Variants in CCNY observed in about 807,000 individuals in gnomAD.
CCNY encodes cyclin-Y.
Under a neutral mutation model 42.8 loss-of-function variants are expected in CCNY, and 19 were observed. The ratio of observed to expected loss-of-function variants is 0.44; its 90% CI spans 0.31 to 0.65. CCNY has a LOEUF of 0.65. Among genes scored for constraint, CCNY ranks in the 30% least tolerant of loss-of-function variants. The pLI is 0.07. For synonymous variants in CCNY, 165 were observed against 162.7 expected (o/e 1.01, Z -0.11); for missense variants, 370 against 437.3 (o/e 0.85, Z 1.37).
At chr10:35,384,988 G>A (rs1298135008) in intron 1 of CCNY, among the ~76,000 whole-genome samples, 1 of 152,168 alleles carries the variant, frequency 6.6e-6, no homozygotes, top group Non-Finnish European at 1.5e-5. Context: ...TCAGCTAAAG[G>A]CAGTCATCTC....
intron 5 of CCNY, among the ~76,000 whole-genome samples, chr10:35,527,999 A>G (rs1375890558): frequency 6.6e-6 from 1 of 152,166 alleles, no homozygotes; most frequent in Non-Finnish European, 1.5e-5. Flanking sequence ...ATTCTCATTT[A>G]TATTTTTAGA....
chr10:35,446,541 A>G (rs1386424230), intron 1 of CCNY, among the ~76,000 whole-genome samples: 1 of 152,210 alleles, frequency 6.6e-6, no homozygotes, highest in East Asian at 1.9e-4. Context: ...GGTAGTGTAG[A>G]TTTGCCAGGG....
intron 1 of CCNY, among the ~76,000 whole-genome samples, chr10:35,401,606 G>A (rs1837646361): frequency 7.2e-6 from 1 of 138,450 alleles, no homozygotes; most frequent in African/African-American, 2.7e-5. Context: ...AGTAGTAATT[G>A]TCTCATGTGT....
At chr10:35,400,171 T>C (rs2135227406) in intron 1 of CCNY, among the ~76,000 whole-genome samples, 1 of 152,220 alleles carries the variant, frequency 6.6e-6, no homozygotes, top group Non-Finnish European at 1.5e-5. Context: ...ATGTAGGCAG[T>C]TTTATAGAAG....
intron 8 of CCNY, among the ~76,000 whole-genome samples, chr10:35,557,152 T>G (rs1841377624): frequency 6.6e-6 from 1 of 152,200 alleles, no homozygotes; most frequent in African/African-American, 2.4e-5. Context: ...AGGATGTTAT[T>G]TGCAATATAT....
intron 1 of CCNY, among the ~76,000 whole-genome samples, chr10:35,373,675 T>G (rs1836987665): frequency 6.6e-6 from 1 of 152,202 alleles, no homozygotes; most frequent in Admixed American, 6.5e-5. Context: ...ACTTAATGAA[T>G]AGTAAATCTA....
chr10:35,558,949 G>C (rs757670383), intron 8 of CCNY, among the ~76,000 whole-genome samples: 1 of 152,216 alleles, frequency 6.6e-6, no homozygotes, highest in Non-Finnish European at 1.5e-5. Context: ...CTAAAAATGT[G>C]GAAGTGGCTT....
At chr10:35,528,307 T>C (rs911595873) in intron 5 of CCNY, among the ~76,000 whole-genome samples, 1 of 152,240 alleles carries the variant, frequency 6.6e-6, no homozygotes, top group African/African-American at 2.4e-5. Flanking sequence ...GACTACCTGC[T>C]GGGTTGAACC....
chr10:35,321,322 T>A (rs1318643803), intron 3 of CCNY, among the ~76,000 whole-genome samples: 1 of 152,070 alleles, frequency 6.6e-6, no homozygotes, highest in East Asian at 1.9e-4. Context: ...CAAGACTAAA[T>A]ATGATGATGA....
At chr10:35,479,399 A>G (rs1184261037) in intron 1 of CCNY, among the ~76,000 whole-genome samples, 1 of 142,330 alleles carries the variant, frequency 7.0e-6, no homozygotes, top group Non-Finnish European at 1.5e-5. Context: ...AATGTGGCAC[A>G]TATACACCAT....
At chr10:35,284,395 G>T (rs1033503437) in intron 3 of CCNY, among the ~76,000 whole-genome samples, 1 of 152,054 alleles carries the variant, frequency 6.6e-6, no homozygotes, top group Non-Finnish European at 1.5e-5. Flanking sequence ...TCCTCCTGCC[G>T]TGCCTGAAGT....
chr10:35,389,333 C>T (rs1272042740), intron 1 of CCNY, among the ~76,000 whole-genome samples: 1 of 152,176 alleles, frequency 6.6e-6, no homozygotes, highest in Non-Finnish European at 1.5e-5. Flanking sequence ...ATTACCACAG[C>T]CCCTGGTGTA....
intron 3 of CCNY, among the ~76,000 whole-genome samples, chr10:35,262,823 C>T (rs564490187): frequency 1.3e-5 from 2 of 151,620 alleles, no homozygotes; most frequent in Non-Finnish European, 2.9e-5. Context: ...AGTCTTTTCT[C>T]GGAAGAGTTT....
chr10:35,303,438 C>A (rs915830008), intron 3 of CCNY, among the ~76,000 whole-genome samples: 1 of 151,286 alleles, frequency 6.6e-6, no homozygotes, highest in African/African-American at 2.4e-5. Flanking sequence ...CCTCAGCCTC[C>A]CAGAGTGCTA....
At chr10:35,413,931 G>A (rs1056169656) in intron 1 of CCNY, among the ~76,000 whole-genome samples, 2 of 152,226 alleles carry the variant, frequency 1.3e-5, no homozygotes, top group East Asian at 3.8e-4. Context: ...ACTTCACAAA[G>A]GGAGGAGAAG....
chr10:35,248,401 T>C (rs1377359772), intron 2 of CCNY, among the ~76,000 whole-genome samples: 3 of 151,798 alleles, frequency 2.0e-5, no homozygotes, highest in East Asian at 1.9e-4. Context: ...CCCAGCACTT[T>C]GGGAGGCCGA....
rs189605237 is a variant in CCNY at position 35,388,719 on chromosome 10, C to G, written c.154+51512C>G. 2.0e-5 allele frequency among the ~76,000 whole-genome samples: 3 copies of G among 152,360 alleles called. No individual in the cohort carries two copies. In the East Asian group the frequency reaches 5.8e-4, roughly 29 times the overall value. The stretch of plus-strand genomic sequence containing the variant: ...ATGCACTTTCTGGCTTAAAACAATA[C>G]AAATGCATTATCTTATACTTCTCTA... On this transcript the variant is annotated intron_variant, in intron 1 of 9. Transcript: ENST00000374704.
chr10:35,262,049 G>T (rs1478808196), intron 3 of CCNY, among the ~76,000 whole-genome samples: 2 of 135,482 alleles, frequency 1.5e-5, no homozygotes, highest in African/African-American at 5.9e-5. Context: ...TAAAAAGAGA[G>T]ATCAGGAGTT....
intron 3 of CCNY, among the ~76,000 whole-genome samples, chr10:35,262,257 C>CAAA (rs1184383605): frequency 0.22 from 5,549 of 25,072 alleles, 1,269 homozygotes; most frequent in African/African-American, 0.27. Context: ...AACTCTGTCT[C>CAAA]AAAAAAAAAA....
Sources: gnomAD v4.1 joint callset for allele counts (sites outside exome capture counted in the v4.1 genomes callset) on GRCh38, gnomAD v4.1.1 for gene constraint, MANE v1.5 for transcripts, NCBI Gene and HGNC (gene_info 2026-07-23, HGNC 2026-07-21) for gene names.